HSD17B4: variants seen among roughly 807,000 people sequenced by gnomAD.
HSD17B4 encodes the protein hydroxysteroid 17-beta dehydrogenase 4, also known as peroxisomal multifunctional enzyme type 2.
In HSD17B4, 70 loss-of-function variants were observed where a neutral mutation model predicts 101.0. The ratio of observed to expected loss-of-function variants is 0.69; its 90% confidence interval spans 0.57 to 0.85. HSD17B4 has a LOEUF of 0.85. Among genes scored for constraint, HSD17B4 ranks in the 40% least tolerant of loss-of-function variants. The probability of loss-of-function intolerance (pLI) is 0.00; values close to 1 mark genes in which losing one functional copy is unlikely to be tolerated. For synonymous variants in HSD17B4, 347 were observed against 297.1 expected, an observed-to-expected ratio of 1.17 and a Z score of -1.73; for missense variants, 984 against 892.4, an observed-to-expected ratio of 1.10 and a Z score of -1.31.
At chr5:119,455,524 A>G (rs916627805) in intron 1 of HSD17B4, among the ~76,000 whole-genome samples, 1 of 150,164 alleles carries the variant, frequency 6.7e-6, no homozygotes, top group East Asian at 2.0e-4. Context: ...CTCAAAAAAA[A>G]AGAAAAAAAG....
At chr5:119,459,995 T>C (rs2636966) in intron 2 of HSD17B4, among the ~76,000 whole-genome samples, 25,742 of 151,640 alleles carry the variant, frequency 0.17, 2,393 homozygotes, top group African/African-American at 0.23. Flanking sequence ...CTCAGCCTCC[T>C]AAGTAGCTGG....
intron 21 of HSD17B4, among the ~76,000 whole-genome samples, chr5:119,530,715 T>C (rs1025160886): frequency 1.3e-5 from 2 of 151,364 alleles, no homozygotes; most frequent in Non-Finnish European, 2.9e-5. Context: ...TAGCCAGCCT[T>C]GGTGGCAGGC....
Position 119,527,278 on chromosome 5 carries a change from AT to A in HSD17B4, c.1767+68del, listed in dbSNP as rs913016942. On this transcript the variant is annotated intron_variant, in intron 20 of 23. Transcript: ENST00000510025. ...CTTTATCATTGTGTTCCATCTTACC[AT>A]TTTTTTTTGGTTAGTACTATGGATA... 6.4e-4 allele frequency: 582 copies of A among 914,894 alleles called. 1 individual carries two copies. Among genetic ancestry groups the A allele is most frequent in the Non-Finnish European group, 8.0e-4 (450 of 564,088 alleles). The allele number at this position is 914,894 out of a possible 1,614,324, so 56.7% of individuals were successfully genotyped here.
At chr5:119,486,635 C>T (rs573704149) in intron 8 of HSD17B4, among the ~76,000 whole-genome samples, 23 of 152,072 alleles carry the variant, frequency 1.5e-4, no homozygotes, top group South Asian at 1.5e-3. Context: ...GTAGCTCATT[C>T]GATTATATTG....
intron 17 of HSD17B4, among the ~76,000 whole-genome samples, chr5:119,524,352 A>G (rs1753384689): frequency 1.3e-5 from 2 of 152,146 alleles, no homozygotes; most frequent in South Asian, 4.1e-4. Context: ...AAAGTAATAA[A>G]AGATCAGTAA....
chr5:119,528,718 A>G (rs201085835), intron 20 of HSD17B4, among the ~76,000 whole-genome samples: 7 of 152,170 alleles, frequency 4.6e-5, no homozygotes, highest in East Asian at 3.8e-4. Context: ...AATAATTTCT[A>G]TGGATACAAA....
intron 1 of HSD17B4, among the ~76,000 whole-genome samples, chr5:119,455,048 ATTAAC>A (rs1754470527): frequency 6.6e-6 from 1 of 152,264 alleles, no homozygotes; most frequent in South Asian, 2.1e-4. Context: ...AAATTTATCA[ATTAAC>A]TTAAAATGTA....
chr5:119,510,556 C>T (rs1752076985), intron 16 of HSD17B4, among the ~76,000 whole-genome samples: 1 of 152,106 alleles, frequency 6.6e-6, no homozygotes, highest in African/African-American at 2.4e-5. Context: ...GTAAGAAGCT[C>T]CTTGGACTTT....
intron 2 of HSD17B4, among the ~76,000 whole-genome samples, chr5:119,469,864 G>C (rs1347663020): frequency 1.3e-5 from 2 of 152,218 alleles, no homozygotes; most frequent in Non-Finnish European, 2.9e-5. Flanking sequence ...AACAGTGTCT[G>C]TATGTGCCTC....
rs1748870015 is a variant in HSD17B4, at chr5:119,479,040, AT to A, written c.622+24del. On this transcript the variant is annotated intron_variant, in intron 8 of 23. Coordinates refer to ENST00000510025, the MANE Select transcript of HSD17B4 (RefSeq NM_000414.4). ...CCTGAAGGTAAGTAAGCAAGCTTATATTTTTCAGTGCTGTTACTTACAAACC... is the reference window on the plus strand; with the variant it reads ...CCTGAAGGTAAGTAAGCAAGCTTATATTTTCAGTGCTGTTACTTACAAACC... 6.3e-7 allele frequency: 1 copy of A among 1,585,270 alleles called. No individual in the cohort carries two copies. The highest frequency in any genetic ancestry group is 1.3e-5 in the African/African-American group (1 of 74,410).
chr5:119,456,184 G>A (rs1281748219), intron 1 of HSD17B4, 131 bp from the exon 2 acceptor site: 1 of 723,568 alleles, frequency 1.4e-6, no homozygotes, highest in Non-Finnish European at 2.6e-6. Context: ...GTCAGTGATA[G>A]GATAGGTTGA....
chr5:119,482,697 C>A (rs1334299322), intron 8 of HSD17B4, among the ~76,000 whole-genome samples: 1 of 151,804 alleles, frequency 6.6e-6, no homozygotes, highest in Non-Finnish European at 1.5e-5. Flanking sequence ...ACTCTGTTGT[C>A]TTTGAGTTTC....
Position 119,476,625 on chromosome 5 carries a change from C to T in HSD17B4, c.349+755C>T, listed in dbSNP as rs190223980. The T allele has an allele frequency of 5.1e-5, 50 of 984,984 alleles. No individual in the cohort carries two copies. The African/African-American group carries it at 7.3e-4, about 14-fold the overall frequency. 61.0% of individuals were successfully genotyped at this position (984,984 alleles called of 1,614,324 possible). On this transcript the variant is annotated intron_variant, in intron 6 of 23. Coordinates refer to ENST00000510025, the MANE Select transcript of HSD17B4 (RefSeq NM_000414.4). Reference sequence around the variant, plus strand: ...AAGAAGAGCTTTTAGTTTCTGCTTCCCTTGTAACAACTGGGGTAAAAAAGA... The same window carrying T: ...AAGAAGAGCTTTTAGTTTCTGCTTCTCTTGTAACAACTGGGGTAAAAAAGA...
intron 23 of HSD17B4, among the ~76,000 whole-genome samples, chr5:119,537,933 C>A (rs1338818420): frequency 6.6e-6 from 1 of 152,004 alleles, no homozygotes; most frequent in Non-Finnish European, 1.5e-5. Context: ...TTCTAAGGTA[C>A]CTGAAATGCC....
intron 1 of HSD17B4, 22 bp from the exon 2 acceptor site, chr5:119,456,293 T>C: frequency 6.3e-7 from 1 of 1,582,752 alleles, no homozygotes; most frequent in Non-Finnish European, 8.7e-7. Flanking sequence ...TTCAACTTTC[T>C]GATTATTTTG....
intron 23 of HSD17B4, among the ~76,000 whole-genome samples, chr5:119,540,883 T>G (rs1754934603): frequency 2.0e-5 from 3 of 152,162 alleles, no homozygotes. Flanking sequence ...GAAATTCAGT[T>G]TCTCATCTGT....
intron 15 of HSD17B4, among the ~76,000 whole-genome samples, chr5:119,508,469 C>T (rs1419505078): frequency 6.6e-6 from 1 of 152,094 alleles, no homozygotes; most frequent in Non-Finnish European, 1.5e-5. Context: ...AATTTAAAAT[C>T]ATATTTCTAG....
rs2126696991 is a variant in HSD17B4 at position 119,477,502 on chromosome 5, G to C, written c.434+1G>C. 6.2e-7 allele frequency: 1 copy of C among 1,607,430 alleles called. No homozygotes were observed. Among genetic ancestry groups the C allele is most frequent in the Non-Finnish European group, 8.5e-7 (1 of 1,174,042 alleles). ...ACATGAAGAAACAGAAGTATGGAAG[G>C]TAGAGTTGCATGTGGTTGTCAAGGG... On this transcript the variant is annotated splice_donor_variant, in intron 7 of 23. Transcript: ENST00000510025. LOFTEE classifies it high-confidence loss of function.
intron 2 of HSD17B4, among the ~76,000 whole-genome samples, chr5:119,459,873 CTTT>C (rs545329527): frequency 2.8e-5 from 4 of 142,382 alleles, no homozygotes; most frequent in Non-Finnish European, 3.1e-5. Context: ...CCCCACATCT[CTTT>C]TTTTTTTTTT....
Sources: gnomAD v4.1 joint callset for allele counts (sites outside exome capture counted in the v4.1 genomes callset) on GRCh38, gnomAD v4.1.1 for gene constraint, MANE v1.5 for transcripts, NCBI Gene and HGNC (gene_info 2026-07-23, HGNC 2026-07-21) for gene names.